The following CNTNAP2 variants were observed in gnomAD, a reference collection of about 807,000 sequenced individuals.
CNTNAP2 encodes the protein contactin associated protein 2.
CNTNAP2 carries 98 observed loss-of-function variants against 155.2 expected under a neutral mutation model. The ratio of observed to expected loss-of-function variants is 0.63; its 90% CI spans 0.54 to 0.75. CNTNAP2 has a LOEUF of 0.75. CNTNAP2 is among the 30% of genes least tolerant of loss of function. The pLI is 0.00. For synonymous variants in CNTNAP2, 651 were observed against 631.2 expected (o/e 1.03, Z -0.47); for missense variants, 1,727 against 1,688.1 (o/e 1.02, Z -0.40).
intron 13 of CNTNAP2, among the ~76,000 whole-genome samples, chr7:147,719,174 A>T (rs1234716290): frequency 6.6e-6 from 1 of 152,128 alleles, no homozygotes; most frequent in Non-Finnish European, 1.5e-5. Context: ...CTCCAAAGGA[A>T]TTGCAGTGGT....
chr7:148,206,285 ATATATTTAAATTTTTAATATT>A (rs1002190368), intron 18 of CNTNAP2, among the ~76,000 whole-genome samples: 1 of 147,844 alleles, frequency 6.8e-6, no homozygotes, highest in Non-Finnish European at 1.5e-5. Context: ...TTAAATATAA[ATATATTTAAATTTTTAATATT>A]TATATTTAAA....
chr7:148,069,590 G>T (rs778528152), intron 15 of CNTNAP2, among the ~76,000 whole-genome samples: 1 of 151,878 alleles, frequency 6.6e-6, no homozygotes, highest in Non-Finnish European at 1.5e-5. Context: ...GTGAAACCCC[G>T]TCTCTACTAA....
At chr7:147,318,484 A>G (rs1795279443) in intron 9 of CNTNAP2, among the ~76,000 whole-genome samples, 1 of 152,114 alleles carries the variant, frequency 6.6e-6, no homozygotes, top group South Asian at 2.1e-4. Flanking sequence ...AAATTTAAAG[A>G]CACTGTTATA....
chr7:146,493,315 G>A (rs557182528), intron 1 of CNTNAP2, among the ~76,000 whole-genome samples: 1 of 152,180 alleles, frequency 6.6e-6, no homozygotes, highest in East Asian at 1.9e-4. Flanking sequence ...AAAAAATCTA[G>A]AAAATGAAAA....
chr7:147,125,236 C>T (rs1238108099), intron 6 of CNTNAP2, among the ~76,000 whole-genome samples: 2 of 151,918 alleles, frequency 1.3e-5, no homozygotes, highest in Non-Finnish European at 2.9e-5. Flanking sequence ...AGGATGGTCT[C>T]GATCTCTTGG....
intron 8 of CNTNAP2, among the ~76,000 whole-genome samples, chr7:147,134,843 G>A (rs945750852): frequency 1.3e-5 from 2 of 151,852 alleles, no homozygotes; most frequent in Non-Finnish European, 2.9e-5. Flanking sequence ...ATTGAAGAAT[G>A]TCAGTCCACT....
chr7:147,544,935 A>G (rs1799704641), intron 11 of CNTNAP2, among the ~76,000 whole-genome samples: 1 of 152,094 alleles, frequency 6.6e-6, no homozygotes, highest in Admixed American at 6.6e-5. Flanking sequence ...TGGAACTGTG[A>G]GTCCATTAAA....
intron 3 of CNTNAP2, among the ~76,000 whole-genome samples, chr7:146,895,012 A>G (rs1457114763): frequency 2.0e-5 from 3 of 152,118 alleles, no homozygotes; most frequent in Non-Finnish European, 4.4e-5. Context: ...ATTATTTAGC[A>G]TTTATATTAT....
chr7:146,237,818 C>CA (rs5888200), intron 1 of CNTNAP2, among the ~76,000 whole-genome samples: 128,364 of 148,024 alleles, frequency 0.87, 55,815 homozygotes, highest in East Asian at 0.99. Context: ...TGAAGTAACC[C>CA]TTGTTACTAG....
intron 21 of CNTNAP2, among the ~76,000 whole-genome samples, chr7:148,324,205 T>C (rs1049624982): frequency 1.3e-5 from 2 of 151,942 alleles, no homozygotes; most frequent in African/African-American, 2.4e-5. Flanking sequence ...CATTTAATTT[T>C]CCAAATGAAG....
intron 10 of CNTNAP2, among the ~76,000 whole-genome samples, chr7:147,407,067 C>CA (rs1218101518): frequency 3.9e-5 from 6 of 152,028 alleles, no homozygotes; most frequent in East Asian, 1.9e-4. Flanking sequence ...AGACCCCCCC[C>CA]TCTGGGAAAT....
chr7:146,260,452 A>G (rs1799903592), intron 1 of CNTNAP2, among the ~76,000 whole-genome samples: 1 of 152,200 alleles, frequency 6.6e-6, no homozygotes, highest in South Asian at 2.1e-4. Context: ...AGCCCATGAA[A>G]GTAGCCATGG....
At chr7:146,144,890 C>A (rs1431518314) in intron 1 of CNTNAP2, among the ~76,000 whole-genome samples, 2 of 152,006 alleles carry the variant, frequency 1.3e-5, no homozygotes, top group Non-Finnish European at 2.9e-5. Flanking sequence ...AAGAATGAAA[C>A]AGTGAATGGA....
At chr7:146,918,129 A>T (rs1796430994) in intron 3 of CNTNAP2, among the ~76,000 whole-genome samples, 1 of 152,164 alleles carries the variant, frequency 6.6e-6, no homozygotes, top group Non-Finnish European at 1.5e-5. Flanking sequence ...TGAATTATTC[A>T]TTATGCCATT....
chr7:147,483,828 C>T (rs1161929333), intron 10 of CNTNAP2, among the ~76,000 whole-genome samples: 1 of 152,182 alleles, frequency 6.6e-6, no homozygotes, highest in African/African-American at 2.4e-5. Flanking sequence ...TGTTCCCACG[C>T]CTCAGGGCCT....
chr7:148,285,144 G>A (rs1278167726), intron 21 of CNTNAP2, among the ~76,000 whole-genome samples: 1 of 152,202 alleles, frequency 6.6e-6, no homozygotes, highest in Non-Finnish European at 1.5e-5. Flanking sequence ...TTGGCAGCAA[G>A]CATGGCTAGA....
intron 1 of CNTNAP2, among the ~76,000 whole-genome samples, chr7:146,162,172 T>A (rs1000150096): frequency 2.6e-5 from 4 of 152,116 alleles, no homozygotes; most frequent in African/African-American, 9.7e-5. Flanking sequence ...AGGATCTAAT[T>A]AAACTAAAGA....
intron 21 of CNTNAP2, among the ~76,000 whole-genome samples, chr7:148,366,831 A>T (rs1159927582): frequency 6.6e-6 from 1 of 152,222 alleles, no homozygotes; most frequent in Non-Finnish European, 1.5e-5. Flanking sequence ...ACCCCAAAAA[A>T]AAAAGGCAAC....
At chr7:147,281,251 G>A (rs1411736490) in intron 8 of CNTNAP2, among the ~76,000 whole-genome samples, 2 of 151,842 alleles carry the variant, frequency 1.3e-5, no homozygotes, top group Non-Finnish European at 2.9e-5. Flanking sequence ...CGAATCATCA[G>A]CATTCAATAT....
Sources: allele counts gnomAD v4.1 joint callset (sites outside exome capture counted in the v4.1 genomes callset), GRCh38; gene constraint gnomAD v4.1.1; transcripts MANE v1.5; gene names NCBI Gene and HGNC (gene_info 2026-07-23, HGNC 2026-07-21).